The following FBXL13 variants were observed in gnomAD, a reference collection of about 807,000 sequenced individuals.
FBXL13 encodes F-box and leucine-rich repeat protein 13.
FBXL13 carries 67 observed loss-of-function variants against 83.6 expected under a neutral mutation model. That is an observed-to-expected ratio of 0.80 (90% confidence interval 0.66 to 0.98). The LOEUF (loss-of-function observed/expected upper bound fraction) is 0.98. Ranked by LOEUF, FBXL13 falls within the 50% of genes least tolerant of loss-of-function variation. The pLI is 0.00. For synonymous variants in FBXL13, 272 were observed against 299.5 expected (o/e 0.91, Z 0.95); for missense variants, 822 against 866.5 (o/e 0.95, Z 0.64).
chr7:102,995,475 T>G, intron 6 of FBXL13, among the ~76,000 whole-genome samples: 1 of 49,678 alleles, frequency 2.0e-5, no homozygotes, highest in African/African-American at 1.0e-4. Context: ...CGAGACTCCA[T>G]CTCAAAAAAA....
rs533788728 is a variant in FBXL13 at position 102,821,957 on chromosome 7, T to G, written c.2018+83A>C. 3 of 1,364,946 alleles carry G rather than the reference T, an allele frequency of 2.2e-6. No individual in the cohort carries two copies. In the East Asian group the frequency reaches 6.9e-5, roughly 31 times the overall value. The allele number at this position is 1,364,946 out of a possible 1,614,324, so 84.6% of individuals were successfully genotyped here. ...AACTTCCTAACACTGAAAGCTGCTA[T>G]GTATTATGAACCTTATAGCCATATA... is the stretch of plus-strand genomic sequence containing the variant. On this transcript the variant is annotated intron_variant, in intron 19 of 19. Coordinates refer to ENST00000313221, the Ensembl canonical transcript of FBXL13.
At chr7:102,825,121 C>T (rs1224792873) in intron 18 of FBXL13, among the ~76,000 whole-genome samples, 1 of 152,114 alleles carries the variant, frequency 6.6e-6, no homozygotes, top group Non-Finnish European at 1.5e-5. Flanking sequence ...TAAATACAGT[C>T]TTTTCCAAGT....
At chr7:102,992,572 A>C (rs1251249730) in intron 6 of FBXL13, among the ~76,000 whole-genome samples, 2 of 152,314 alleles carry the variant, frequency 1.3e-5, no homozygotes, top group African/African-American at 4.8e-5. Flanking sequence ...TTTAAAAGTC[A>C]TGAAAACTTT....
chr7:102,938,925 T>C (rs1302166270), intron 8 of FBXL13, among the ~76,000 whole-genome samples: 28 of 152,226 alleles, frequency 1.8e-4, no homozygotes, highest in Non-Finnish European at 4.4e-5. Context: ...TTCTGCAGTT[T>C]ATATTCTTTT....
chr7:102,832,859 C>T, exon 18 of FBXL13: 1 of 1,614,172 alleles, frequency 6.2e-7, no homozygotes, highest in South Asian at 1.1e-5. Flanking sequence ...GCCAGCAATG[C>T]TGAGAGATGT....
At chr7:103,025,548 T>C (rs1793804888) in intron 5 of FBXL13, among the ~76,000 whole-genome samples, 1 of 152,076 alleles carries the variant, frequency 6.6e-6, no homozygotes, top group African/African-American at 2.4e-5. Context: ...ATAAAACTGG[T>C]AATTGGTGCA....
rs1315783552 is a variant in FBXL13 at position 102,850,125 on chromosome 7, T to C, written c.1719+4652A>G. 2.6e-5 allele frequency among the ~76,000 whole-genome samples: 4 copies of C among 152,318 alleles called. 1 individual carries two copies. Among genetic ancestry groups the C allele is most frequent in the Middle Eastern group, 6.8e-3 (2 of 292 alleles). ...AAAAGATTAAATTGTTTTAAAGATATGCCAGAACTCAGCTGTATGGTCATA... is the reference window on the plus strand; with the variant it reads ...AAAAGATTAAATTGTTTTAAAGATACGCCAGAACTCAGCTGTATGGTCATA... On this transcript the variant is annotated intron_variant, in intron 17 of 19. Coordinates refer to ENST00000313221, the Ensembl canonical transcript of FBXL13.
At chr7:103,042,892 T>C (rs983760922) in intron 2 of FBXL13, among the ~76,000 whole-genome samples, 2 of 152,164 alleles carry the variant, frequency 1.3e-5, no homozygotes, top group Admixed American at 1.3e-4. Context: ...AGCAATACCA[T>C]TCAGGACATA....
chr7:102,905,000 G>T (rs897467359), intron 11 of FBXL13, among the ~76,000 whole-genome samples: 15 of 151,934 alleles, frequency 9.9e-5, no homozygotes, highest in African/African-American at 3.6e-4. Context: ...CAGTTTTTTT[G>T]AATGTTTTAA....
intron 11 of FBXL13, among the ~76,000 whole-genome samples, chr7:102,884,977 C>T (rs545156979): frequency 9.9e-5 from 15 of 152,252 alleles, no homozygotes; most frequent in African/African-American, 1.9e-4. Flanking sequence ...ACACCTCAAT[C>T]GTTTTTATGA....
chr7:103,073,957 C>T (rs1799326320), intron 1 of FBXL13, among the ~76,000 whole-genome samples: 1 of 152,180 alleles, frequency 6.6e-6, no homozygotes, highest in Non-Finnish European at 1.5e-5. Flanking sequence ...AAATATCTCA[C>T]CAACTATTTG....
intron 2 of FBXL13, among the ~76,000 whole-genome samples, chr7:103,053,836 T>A (rs979793764): frequency 6.6e-6 from 1 of 152,156 alleles, no homozygotes; most frequent in Admixed American, 6.5e-5. Flanking sequence ...ATGATGCAGA[T>A]CAAGTAGGAT....
chr7:102,859,035 G>C (rs1045480373), intron 16 of FBXL13, among the ~76,000 whole-genome samples: 1 of 151,978 alleles, frequency 6.6e-6, no homozygotes, highest in African/African-American at 2.4e-5. Context: ...AAAAAAGATT[G>C]ATGTAATAAT....
chr7:102,997,197 T>G (rs1789891922), intron 6 of FBXL13, among the ~76,000 whole-genome samples: 1 of 152,190 alleles, frequency 6.6e-6, no homozygotes, highest in Non-Finnish European at 1.5e-5. Context: ...AGACACAAAA[T>G]GAATGACCGC....
downstream of FBXL13, among the ~76,000 whole-genome samples, chr7:102,812,424 TTCTTTC>T (rs1225787159): frequency 6.6e-6 from 1 of 152,230 alleles, no homozygotes; most frequent in Non-Finnish European, 1.5e-5. Flanking sequence ...TGCAGGGACA[TTCTTTC>T]TATTCAGATA....
chr7:102,995,619 TCTA>T (rs1789679674), intron 6 of FBXL13, among the ~76,000 whole-genome samples: 1 of 150,802 alleles, frequency 6.6e-6, no homozygotes, highest in South Asian at 2.1e-4. Context: ...AAACACTGTC[TCTA>T]CTAAGAATAC....
intron 16 of FBXL13, among the ~76,000 whole-genome samples, chr7:102,858,672 A>G (rs530482497): frequency 6.6e-6 from 1 of 152,364 alleles, no homozygotes; most frequent in Non-Finnish European, 1.5e-5. Context: ...TAAAAGTAGT[A>G]CTGATGCATG....
chr7:102,950,892 G>C (rs1823291831), intron 8 of FBXL13, among the ~76,000 whole-genome samples: 1 of 152,118 alleles, frequency 6.6e-6, no homozygotes, highest in Non-Finnish European at 1.5e-5. Flanking sequence ...AGGATTCCTA[G>C]GGGAATGAAA....
intron 8 of FBXL13, among the ~76,000 whole-genome samples, chr7:102,958,220 G>A (rs527977404): frequency 5.9e-5 from 9 of 152,242 alleles, no homozygotes; most frequent in African/African-American, 2.2e-4. Flanking sequence ...AAAAGGATGA[G>A]TGCATGTCCT....
Sources: gnomAD v4.1 joint callset for allele counts (sites outside exome capture counted in the v4.1 genomes callset) on GRCh38, gnomAD v4.1.1 for gene constraint, MANE v1.5 for transcripts, NCBI Gene and HGNC (gene_info 2026-07-23, HGNC 2026-07-21) for gene names.